DPYD: variants seen among roughly 807,000 people sequenced by gnomAD.
The protein encoded by DPYD is dihydropyrimidine dehydrogenase [NADP(+)].
In DPYD, 109 loss-of-function variants were observed where a neutral mutation model predicts 116.2. The observed-to-expected ratio is 0.94, with a 90% confidence interval of 0.80 to 1.10. The LOEUF is 1.10. DPYD is among the 50% of genes least tolerant of loss of function. The pLI, the probability that DPYD is intolerant of heterozygous loss-of-function variation, is 0.00. For missense variants in DPYD, 1,302 were observed against 1,254.5 expected, an observed-to-expected ratio of 1.04 and a Z score of -0.57; for synonymous variants, 440 against 432.0, an observed-to-expected ratio of 1.02 and a Z score of -0.23.
chr1:97,189,052 G>A (rs1015773671), intron 20 of DPYD, among the ~76,000 whole-genome samples: 2 of 152,054 alleles, frequency 1.3e-5, no homozygotes, highest in Non-Finnish European at 2.9e-5. Context: ...TTACCAATAA[G>A]CTTTTTTCTT....
chr1:97,286,970 C>T (rs952199792), intron 18 of DPYD, among the ~76,000 whole-genome samples: 6 of 152,232 alleles, frequency 3.9e-5, no homozygotes, highest in African/African-American at 1.2e-4. Flanking sequence ...TGAGGAACTG[C>T]GTTCCATTGG....
At chr1:97,919,583 T>C (rs1439179169) in intron 1 of DPYD, among the ~76,000 whole-genome samples, 2 of 152,106 alleles carry the variant, frequency 1.3e-5, no homozygotes, top group Non-Finnish European at 2.9e-5. Flanking sequence ...ACTTAGTAAA[T>C]AAAATTTTTT....
intron 2 of DPYD, among the ~76,000 whole-genome samples, chr1:97,859,037 G>C (rs1198975336): frequency 6.6e-6 from 1 of 151,796 alleles, no homozygotes; most frequent in Non-Finnish European, 1.5e-5. Flanking sequence ...TATTTCTAGT[G>C]GTAATTTTTG....
chr1:97,620,208 T>C (rs1656549861), intron 8 of DPYD, among the ~76,000 whole-genome samples: 1 of 152,154 alleles, frequency 6.6e-6, no homozygotes, highest in Non-Finnish European at 1.5e-5. Flanking sequence ...CATTTTCTTT[T>C]TGTCCTTTTA....
At chr1:97,884,128 C>T (rs913509729) in intron 1 of DPYD, among the ~76,000 whole-genome samples, 2 of 151,906 alleles carry the variant, frequency 1.3e-5, no homozygotes, top group South Asian at 4.2e-4. Flanking sequence ...AAACAGCTTA[C>T]ATTAATAGAC....
chr1:97,408,443 G>A (rs1303855221), intron 14 of DPYD, among the ~76,000 whole-genome samples: 1 of 151,976 alleles, frequency 6.6e-6, no homozygotes, highest in Non-Finnish European at 1.5e-5. Context: ...CTTCATATAA[G>A]AATTTAAGTG....
intron 3 of DPYD, among the ~76,000 whole-genome samples, chr1:97,809,014 A>G (rs1052000532): frequency 2.0e-5 from 3 of 152,182 alleles, no homozygotes; most frequent in African/African-American, 7.2e-5. Context: ...TATGAGAGAT[A>G]AATTGAGTTC....
chr1:97,557,308 C>CTTTTTTTTTTTTTT lies in DPYD; in HGVS notation c.1340-7578_1340-7565dup, dbSNP rs796245332. Among the ~76,000 whole-genome samples the CTTTTTTTTTTTTTT allele has an allele frequency of 2.2e-4, 24 of 107,154 alleles. 4 individuals are homozygous for CTTTTTTTTTTTTTT. Among genetic ancestry groups the CTTTTTTTTTTTTTT allele is most frequent in the African/African-American group, 3.0e-4 (8 of 26,528 alleles). The allele number at this position is 107,154 out of a possible 152,430, so 70.3% of individuals were successfully genotyped here. A position where few individuals can be genotyped will look rare whatever the true frequency, so the allele number is the denominator to read the frequency against. On this transcript the variant is annotated intron_variant, in intron 11 of 22. Transcript: ENST00000370192. The stretch of plus-strand genomic sequence containing the variant: ...AAATTTTCTATTCCCTTTTTCTTTT[C>CTTTTTTTTTTTTTT]TTTTTTTTTTTTTTTTTTTTGAGGA...
At chr1:97,494,686 G>A (rs1679163130) in intron 13 of DPYD, among the ~76,000 whole-genome samples, 1 of 151,900 alleles carries the variant, frequency 6.6e-6, no homozygotes, top group Admixed American at 6.6e-5. Context: ...AGGCTACAGT[G>A]AGCTGTAATC....
intron 14 of DPYD, among the ~76,000 whole-genome samples, chr1:97,425,905 C>G (rs576318163): frequency 6.6e-6 from 1 of 150,952 alleles, no homozygotes; most frequent in East Asian, 2.0e-4. Flanking sequence ...AAGTCTGCAT[C>G]TTAACTCTTT....
intron 16 of DPYD, among the ~76,000 whole-genome samples, chr1:97,345,816 T>C (rs1669813299): frequency 6.6e-6 from 1 of 151,922 alleles, no homozygotes; most frequent in South Asian, 2.1e-4. Flanking sequence ...AGTTCTGAAA[T>C]ATGTGCTCTT....
intron 21 of DPYD, among the ~76,000 whole-genome samples, chr1:97,096,716 A>G (rs1650274231): frequency 1.3e-5 from 2 of 152,118 alleles, no homozygotes; most frequent in Admixed American, 6.6e-5. Flanking sequence ...GGAGGATTGA[A>G]AAAAGGGCAC....
chr1:97,450,645 T>C (rs749911203), intron 13 of DPYD, among the ~76,000 whole-genome samples: 1 of 152,050 alleles, frequency 6.6e-6, no homozygotes, highest in Non-Finnish European at 1.5e-5. Flanking sequence ...AAAAAGTTTA[T>C]ATTTTTTTTT....
intron 19 of DPYD, among the ~76,000 whole-genome samples, chr1:97,203,670 C>A (rs1188725968): frequency 1.7e-5 from 1 of 58,288 alleles, no homozygotes; most frequent in Non-Finnish European, 3.5e-5. Flanking sequence ...AGACCCCCCC[C>A]CCCCAAAAAA....
At chr1:97,844,585 T>C (rs1670198013) in intron 2 of DPYD, among the ~76,000 whole-genome samples, 1 of 152,168 alleles carries the variant, frequency 6.6e-6, no homozygotes, top group East Asian at 1.9e-4. Flanking sequence ...CGGTGGTCTA[T>C]CTGGAGTGGC....
intron 3 of DPYD, among the ~76,000 whole-genome samples, chr1:97,746,943 T>G (rs1468495506): frequency 7.0e-6 from 1 of 143,402 alleles, no homozygotes; most frequent in Non-Finnish European, 1.5e-5. Flanking sequence ...GTGGTGTGTG[T>G]TTTTTTTTTG....
chr1:97,515,952 C>A lies in DPYD; in HGVS notation c.1525-11G>T, dbSNP rs55699321. 1.9e-6 allele frequency: 3 copies of A among 1,610,012 alleles called. No individual in the cohort carries two copies. Among genetic ancestry groups the A allele is most frequent in the Non-Finnish European group, 2.5e-6 (3 of 1,177,184 alleles). On this transcript the variant is annotated splice_polypyrimidine_tract_variant and intron_variant, in intron 12 of 22. Coordinates refer to ENST00000370192, the MANE Select transcript of DPYD (RefSeq NM_000110.4). ...AGCTCCATATTGTGACTGCAAAATA[C>A]AAACCAATACTTGGTTTCATATTAC...
At chr1:97,565,465 T>C (rs1212769944) in intron 11 of DPYD, among the ~76,000 whole-genome samples, 1 of 152,140 alleles carries the variant, frequency 6.6e-6, no homozygotes, top group African/African-American at 2.4e-5. Context: ...ATTTTAGCCA[T>C]ATTTCCTGCC....
chr1:97,507,116 G>T (rs907140655), intron 13 of DPYD, among the ~76,000 whole-genome samples: 1 of 151,956 alleles, frequency 6.6e-6, no homozygotes, highest in African/African-American at 2.4e-5. Flanking sequence ...ATGTCCCATA[G>T]GAGTACTATA....
Sources: allele counts gnomAD v4.1 joint callset (sites outside exome capture counted in the v4.1 genomes callset), GRCh38; gene constraint gnomAD v4.1.1; transcripts MANE v1.5; gene names NCBI Gene and HGNC (gene_info 2026-07-23, HGNC 2026-07-21).